The following RIMKLB variants were observed in gnomAD, a reference collection of about 807,000 sequenced individuals.
The protein encoded by RIMKLB is ribosomal modification protein rimK like family member B.
RIMKLB carries 7 observed loss-of-function variants against 32.0 expected under a neutral mutation model. The ratio of observed to expected loss-of-function variants is 0.22; its 90% CI spans 0.12 to 0.41. The LOEUF is 0.41. Among genes scored for constraint, RIMKLB ranks in the 10% least tolerant of loss-of-function variants. The pLI, the probability that RIMKLB is intolerant of heterozygous loss-of-function variation, is 1.00. For missense variants in RIMKLB, 289 were observed against 498.7 expected (o/e 0.58, Z 4.00); for synonymous variants, 172 against 185.1 (o/e 0.93, Z 0.57).
chr12:8,773,705 A>G lies in RIMKLB; in HGVS notation c.1082A>G (p.Glu361Gly). Reference protein sequence around the residue: ...VDSDPESTERELLTKLPGGLF... With the variant: ...VDSDPESTERGLLTKLPGGLF... Reference sequence around the variant, plus strand: ...AGCGACCCTGAAAGCACGGAGCGAGAGCTGCTCACCAAGCTCCCAGGGGGC... The same window carrying G: ...AGCGACCCTGAAAGCACGGAGCGAGGGCTGCTCACCAAGCTCCCAGGGGGC... The change falls in exon 6 of 6, where the codon GAG (glutamate) becomes GGG (glycine). Residue 361 changes from glutamate to glycine, a missense_variant. Physicochemically the swap from Glu to Gly is moderately conservative, Grantham distance 98. Coordinates refer to ENST00000535829, the MANE Select transcript of RIMKLB (RefSeq NM_001297776.2). 1 of 1,614,262 alleles carries G rather than the reference A, an allele frequency of 6.2e-7. No individual in the cohort carries two copies. Among genetic ancestry groups the G allele is most frequent in the Non-Finnish European group, 8.5e-7 (1 of 1,180,048 alleles).
At chr12:8,707,480 G>A (rs930749784) in intron 1 of RIMKLB, among the ~76,000 whole-genome samples, 1 of 152,212 alleles carries the variant, frequency 6.6e-6, no homozygotes, top group African/African-American at 2.4e-5. Flanking sequence ...GATCTGCTAC[G>A]TGTTCAGCTA....
chr12:8,753,569 A>G (rs73036919), intron 4 of RIMKLB, among the ~76,000 whole-genome samples: 6,096 of 152,338 alleles, frequency 0.04, 177 homozygotes, highest in Middle Eastern at 0.068. Flanking sequence ...TTCAGAGATA[A>G]AAAGATTTGC....
chr12:8,755,631 A>G (rs116973756), intron 5 of RIMKLB, among the ~76,000 whole-genome samples: 5,319 of 152,112 alleles, frequency 0.035, 124 homozygotes, highest in Middle Eastern at 0.068. Flanking sequence ...TCTTGCTTCT[A>G]CCCTTCCCTC....
In RIMKLB at chr12:8,754,105, G is replaced by A; in HGVS notation, c.697+12G>A. 1 of 1,574,032 alleles carries A rather than the reference G, an allele frequency of 6.4e-7. No individual in the cohort carries two copies. The highest frequency in any genetic ancestry group is 8.7e-7 in the Non-Finnish European group (1 of 1,143,386). On this transcript the variant is annotated intron_variant, in intron 5 of 5. Transcript: ENST00000535829. ...CAACTGCTCATTAGGTAAAAATAAT[G>A]CAATTATCTTTCTAGTATATAAAGT...
chr12:8,694,254 T>C (rs989356915), upstream of RIMKLB, among the ~76,000 whole-genome samples: 1 of 151,714 alleles, frequency 6.6e-6, no homozygotes, highest in Non-Finnish European at 1.5e-5. Context: ...CAAAAAACAA[T>C]AAAAATAGAG....
the RIMKLB span, among the ~76,000 whole-genome samples, chr12:8,674,863 CT>C: frequency 0.018 from 2,262 of 128,182 alleles, 33 homozygotes; most frequent in African/African-American, 0.051. Flanking sequence ...TGTCACAATT[CT>C]TTTTTTTTTT....
downstream of RIMKLB, chr12:8,779,061 G>A (rs1320673849): frequency 1.3e-5 from 2 of 152,154 alleles, no homozygotes; most frequent in Non-Finnish European, 2.9e-5. Flanking sequence ...ACTTCCAGCT[G>A]CACTCATGCA....
intron 2 of RIMKLB, among the ~76,000 whole-genome samples, chr12:8,718,659 A>C (rs796516851): frequency 0.033 from 3,980 of 119,188 alleles, 100 homozygotes; most frequent in South Asian, 0.14. Flanking sequence ...CTCTCTATAT[A>C]TATATATATA....
chr12:8,722,032 C>T lies in RIMKLB; in HGVS notation c.175+7991C>T, dbSNP rs562700394. Among the ~76,000 whole-genome samples the T allele has an allele frequency of 1.1e-3, 167 of 152,286 alleles. 1 individual carries two copies. Among genetic ancestry groups the T allele is most frequent in the Non-Finnish European group, 1.7e-3 (119 of 68,022 alleles). Reference sequence around the variant, plus strand: ...GTGCTGGGATTACAGGTGTGAGCCACCGCGCCTGGCCTATGAGTGTTCTTA... The same window carrying T: ...GTGCTGGGATTACAGGTGTGAGCCATCGCGCCTGGCCTATGAGTGTTCTTA... On this transcript the variant is annotated intron_variant, in intron 2 of 5. Transcript: ENST00000535829.
At chr12:8,696,461 A>C (rs775958925), upstream of RIMKLB, among the ~76,000 whole-genome samples, 1 of 152,246 alleles carries the variant, frequency 6.6e-6, no homozygotes, top group Non-Finnish European at 1.5e-5. Flanking sequence ...ACCTAACATT[A>C]TAATAGCACT....
chr12:8,710,622 C>G (rs1944296055), intron 1 of RIMKLB, among the ~76,000 whole-genome samples: 1 of 152,116 alleles, frequency 6.6e-6, no homozygotes, highest in Non-Finnish European at 1.5e-5. Context: ...AACATGTTGA[C>G]TGAAGGCTTT....
At chr12:8,732,863 TTTA>T (rs1249470636) in intron 2 of RIMKLB, among the ~76,000 whole-genome samples, 1 of 152,180 alleles carries the variant, frequency 6.6e-6, no homozygotes, top group Non-Finnish European at 1.5e-5. Context: ...TTTAGAGGTT[TTTA>T]TATGTCAGCC....
chr12:8,747,120 C>T (rs1948171588), intron 2 of RIMKLB, among the ~76,000 whole-genome samples: 1 of 152,134 alleles, frequency 6.6e-6, no homozygotes, highest in Non-Finnish European at 1.5e-5. Flanking sequence ...CTGGTCCCTA[C>T]TATACGTACA....
At chr12:8,694,245 A>G (rs964526035), upstream of RIMKLB, among the ~76,000 whole-genome samples, 4 of 152,010 alleles carry the variant, frequency 2.6e-5, no homozygotes, top group Admixed American at 2.6e-4. Context: ...AAAACAAAAC[A>G]AAAAACAATA....
In RIMKLB at chr12:8,748,559, C is replaced by T. The variant is rs199732233; in HGVS notation, c.176-1303C>T. 2.0e-3 allele frequency among the ~76,000 whole-genome samples: 250 copies of T among 125,580 alleles called. 1 individual carries two copies. Among genetic ancestry groups the T allele is most frequent in the Admixed American group, 3.0e-3 (37 of 12,336 alleles). 82.4% of individuals were successfully genotyped at this position (125,580 alleles called of 152,430 possible). A position where few individuals can be genotyped will look rare whatever the true frequency, so the allele number is the denominator to read the frequency against. On this transcript the variant is annotated intron_variant, in intron 2 of 5. Transcript: ENST00000535829. ...GTGTGTGTGTGTGTGTGTGTGTGTG[C>T]ATATATATATATACACAAAATTTAT...
At chr12:8,757,334 C>T (rs1337303525) in intron 5 of RIMKLB, among the ~76,000 whole-genome samples, 1 of 151,864 alleles carries the variant, frequency 6.6e-6, no homozygotes, top group Non-Finnish European at 1.5e-5. Context: ...TTGAGACCAG[C>T]CTGAACAATG....
chr12:8,724,659 C>G (rs1179086631), intron 2 of RIMKLB, among the ~76,000 whole-genome samples: 1 of 152,138 alleles, frequency 6.6e-6, no homozygotes, highest in Non-Finnish European at 1.5e-5. Flanking sequence ...TCACTTAGAC[C>G]CTGAGCCTGA....
chr12:8,775,585 T>G lies in RIMKLB; in HGVS notation c.*1801T>G. Reference sequence around the variant, plus strand: ...TTTCTTGGACACTACTAGAGAGACTTCGAGGCAATAATAAAAGATCAGTAT... The same window carrying G: ...TTTCTTGGACACTACTAGAGAGACTGCGAGGCAATAATAAAAGATCAGTAT... On this transcript the variant is annotated 3_prime_UTR_variant, in exon 6 of 6. Coordinates refer to ENST00000535829, the MANE Select transcript of RIMKLB (RefSeq NM_001297776.2). 1 of 985,736 alleles carries G rather than the reference T, an allele frequency of 1.0e-6. No individual in the cohort carries two copies. The highest frequency in any genetic ancestry group is 1.2e-6 in the Non-Finnish European group (1 of 829,824). The allele number at this position is 985,736 out of a possible 1,614,324, so 61.1% of individuals were successfully genotyped here. A position where few individuals can be genotyped will look rare whatever the true frequency, so the allele number is the denominator to read the frequency against.
intron 2 of RIMKLB, among the ~76,000 whole-genome samples, chr12:8,717,027 A>G (rs890824989): frequency 5.2e-5 from 7 of 135,714 alleles, no homozygotes; most frequent in African/African-American, 8.2e-5. Context: ...TGTGTCTCCT[A>G]TATATTCAGG....
Sources: gnomAD v4.1 joint callset for allele counts (sites outside exome capture counted in the v4.1 genomes callset) on GRCh38, gnomAD v4.1.1 for gene constraint, MANE v1.5 for transcripts, NCBI Gene and HGNC (gene_info 2026-07-23, HGNC 2026-07-21) for gene names.